INPP5D: variants seen among roughly 807,000 people sequenced by gnomAD.
The protein encoded by INPP5D is phosphatidylinositol 3,4,5-trisphosphate 5-phosphatase 1.
In INPP5D, 33 loss-of-function variants were observed where a neutral mutation model predicts 122.9. The ratio of observed to expected loss-of-function variants is 0.27; its 90% CI spans 0.20 to 0.36. INPP5D has a LOEUF of 0.36. INPP5D is among the 10% of genes least tolerant of loss of function. The pLI, the probability that INPP5D is intolerant of heterozygous loss-of-function variation, is 1.00. For synonymous variants in INPP5D, 584 were observed against 576.2 expected, an observed-to-expected ratio of 1.01 and a Z score of -0.19; for missense variants, 1,053 against 1,412.7, an observed-to-expected ratio of 0.75 and a Z score of 4.08.
intron 2 of INPP5D, among the ~76,000 whole-genome samples, chr2:233,088,850 G>A (rs1278770413): frequency 6.6e-6 from 1 of 152,162 alleles, no homozygotes; most frequent in East Asian, 1.9e-4. Flanking sequence ...TTGACAGCAA[G>A]GCCATCCAAA....
Position 233,204,211 on chromosome 2 carries a change from C to T in INPP5D, c.3061C>T (p.Leu1021=). 6.2e-7 allele frequency: 1 copy of T among 1,613,376 alleles called. No individual in the cohort carries two copies. Among genetic ancestry groups the T allele is most frequent in the Admixed American group, 1.7e-5 (1 of 59,966 alleles). ...LTKPEMFENP[L]YGSLSSFPKP... is the part of the protein sequence containing the mutation. ...GAAGCCCGAGATGTTTGAGAACCCC[C>T]TGTATGGGTCCCTGAGTTCCTTCCC... Residue 1021 remains leucine (L), a synonymous_variant, in exon 26 of 27, where the codon CTG becomes TTG. Transcript: ENST00000445964.
chr2:233,096,924 A>T (rs968413410), intron 2 of INPP5D, among the ~76,000 whole-genome samples: 1 of 152,176 alleles, frequency 6.6e-6, no homozygotes, highest in Non-Finnish European at 1.5e-5. Context: ...TCATTTACGG[A>T]TTCTGAGTTT....
chr2:233,164,223 G>T lies in INPP5D; in HGVS notation c.1438-84G>T. On this transcript the variant is annotated intron_variant, in intron 12 of 26. Transcript: ENST00000445964. The surrounding 1 kb of genome is among the most constrained non-coding windows in gnomAD (Gnocchi z 4.3). ...ACAGGATACCCCATACCCAGGGGCT[G>T]CGGCTGGGGCTGGGTGTGAATCACT... The T allele has an allele frequency of 2.0e-6, 3 of 1,474,470 alleles. No individual in the cohort carries two copies. The South Asian group carries it at 4.1e-5, about 20-fold the overall frequency. The allele number at this position is 1,474,470 out of a possible 1,614,324, so 91.3% of individuals were successfully genotyped here.
intron 5 of INPP5D, chr2:233,131,053 T>C (rs1017817676): frequency 1.8e-5 from 7 of 385,046 alleles, no homozygotes; most frequent in Admixed American, 6.5e-5. Flanking sequence ...GTTAGTCTAT[T>C]TTCTGCGTGG....
chr2:233,071,673 G>A (rs1225714645), intron 1 of INPP5D, among the ~76,000 whole-genome samples: 1 of 152,102 alleles, frequency 6.6e-6, no homozygotes, highest in East Asian at 1.9e-4. Context: ...AAATATGGTT[G>A]TCCCTGTTAT....
At position 233,170,412 on chromosome 2, in the gene INPP5D, A is replaced by G; in HGVS notation, c.1792-84A>G. On this transcript the variant is annotated intron_variant, in intron 15 of 26. Transcript: ENST00000445964. The surrounding 1 kb of genome is among the most constrained non-coding windows in gnomAD (Gnocchi z 4.5). ...CATCACTCTGCAGCCCGGGTCATCC[A>G]GCTGCCCGCCCCCAGCCCCGAAGCT... is the stretch of plus-strand genomic sequence containing the variant. The G allele has an allele frequency of 6.3e-7, 1 of 1,579,384 alleles. No individual in the cohort carries two copies. Among genetic ancestry groups the G allele is most frequent in the Non-Finnish European group, 8.6e-7 (1 of 1,161,906 alleles).
intron 2 of INPP5D, among the ~76,000 whole-genome samples, chr2:233,092,457 A>G (rs1692017990): frequency 6.6e-6 from 1 of 152,218 alleles, no homozygotes. Context: ...CAGTGGAACC[A>G]TGAGGGCTTT....
intron 2 of INPP5D, among the ~76,000 whole-genome samples, chr2:233,112,926 G>A (rs1442730105): frequency 6.6e-6 from 1 of 152,088 alleles, no homozygotes; most frequent in Non-Finnish European, 1.5e-5. Flanking sequence ...CCAAAGTGCT[G>A]GGAATACAGG....
intron 9 of INPP5D, among the ~76,000 whole-genome samples, chr2:233,148,053 T>C (rs1262585356): frequency 6.6e-6 from 1 of 152,256 alleles, no homozygotes; most frequent in Non-Finnish European, 1.5e-5. Context: ...GCCCAGCATG[T>C]AGTGGCCACT....
chr2:233,090,067 C>A (rs1007293786), intron 2 of INPP5D, among the ~76,000 whole-genome samples: 1 of 152,220 alleles, frequency 6.6e-6, no homozygotes, highest in African/African-American at 2.4e-5. Context: ...GCTGTGGAGG[C>A]CTTGAGAACA....
rs1173357716 is a variant in INPP5D, at chr2:233,137,893, T to C, written c.666-1949T>C. Among the ~76,000 whole-genome samples the C allele has an allele frequency of 3.8e-3, 221 of 58,524 alleles. 16 individuals are homozygous for C. The highest frequency in any genetic ancestry group is 0.013 in the African/African-American group (211 of 16,112). The allele number at this position is 58,524 out of a possible 152,430, so 38.4% of individuals were successfully genotyped here. Reference sequence around the variant, plus strand: ...ATATATATATATATATATATATATATATATACACACACACACACACATACA... The same window carrying C: ...ATATATATATATATATATATATATACATATACACACACACACACACATACA... On this transcript the variant is annotated intron_variant, in intron 5 of 26. Coordinates refer to ENST00000445964, the MANE Select transcript of INPP5D (RefSeq NM_001017915.3).
At position 233,060,346 on chromosome 2, in the gene INPP5D, A is replaced by T; in HGVS notation, c.-133A>T. The T allele has an allele frequency of 1.0e-6, 1 of 1,001,362 alleles. No individual in the cohort carries two copies. Among genetic ancestry groups the T allele is most frequent in the Non-Finnish European group, 1.4e-6 (1 of 692,366 alleles). 62.0% of individuals were successfully genotyped at this position (1,001,362 alleles called of 1,614,324 possible). On this transcript the variant is annotated 5_prime_UTR_variant, in exon 1 of 27. Coordinates refer to ENST00000445964, the MANE Select transcript of INPP5D (RefSeq NM_001017915.3). ...GCCTGAAACAGGAAGTCAGTCAGTT[A>T]AGCTGGTGGCAGCAGCCGAGGCCAC...
chr2:233,199,109 G>T (rs1695263125), intron 25 of INPP5D, among the ~76,000 whole-genome samples: 1 of 151,832 alleles, frequency 6.6e-6, no homozygotes, highest in Admixed American at 6.6e-5. Context: ...AATTAGCCAG[G>T]CATGGTGGCT....
intron 25 of INPP5D, among the ~76,000 whole-genome samples, chr2:233,199,366 G>T (rs1336536239): frequency 1.5e-5 from 2 of 134,612 alleles, no homozygotes; most frequent in Admixed American, 7.4e-5. Flanking sequence ...CAGCCTGGGC[G>T]ACAGAACGAG....
At chr2:233,147,271 T>A (rs1459777314) in intron 8 of INPP5D, among the ~76,000 whole-genome samples, 200 bp from the exon 9 acceptor site, 2 of 152,184 alleles carry the variant, frequency 1.3e-5, no homozygotes, top group African/African-American at 2.4e-5. Context: ...ACGAGGGGGA[T>A]GCCCCTAGAG....
intron 1 of INPP5D, among the ~76,000 whole-genome samples, chr2:233,067,068 G>T (rs1198014048): frequency 6.6e-6 from 1 of 152,100 alleles, no homozygotes; most frequent in African/African-American, 2.4e-5. Flanking sequence ...GTGAGCCACT[G>T]CACCTGGCCC....
chr2:233,082,825 G>A lies in INPP5D; in HGVS notation c.198+3427G>A, dbSNP rs868790512. 8.5e-5 allele frequency among the ~76,000 whole-genome samples: 13 copies of A among 152,202 alleles called. No homozygotes were observed. The highest frequency in any genetic ancestry group is 5.9e-4 in the Admixed American group (9 of 15,280). ...AAATATGAGTGTTGCTGAGAACTGC[G>A]GAAGTTGGAACTCACAGCCAGGCCT... On this transcript the variant is annotated intron_variant, in intron 2 of 26. Coordinates refer to ENST00000445964, the MANE Select transcript of INPP5D (RefSeq NM_001017915.3). The surrounding 1 kb of genome is among the most constrained non-coding windows in gnomAD (Gnocchi z 4.7).
intron 9 of INPP5D, among the ~76,000 whole-genome samples, chr2:233,158,095 A>C (rs36142198): frequency 0.61 from 93,259 of 151,828 alleles, 30,071 homozygotes; most frequent in East Asian, 0.98. Context: ...TCTGCTCTGG[A>C]CAGGCCAACT....
chr2:233,132,553 A>G (rs1485086518), intron 5 of INPP5D, among the ~76,000 whole-genome samples: 2 of 152,248 alleles, frequency 1.3e-5, no homozygotes, highest in East Asian at 3.9e-4. Context: ...CAGTAAGGCG[A>G]CAGCCAGGCT....
Sources: gnomAD v4.1 joint callset for allele counts (sites outside exome capture counted in the v4.1 genomes callset) on GRCh38, gnomAD v4.1.1 for gene constraint, Gnocchi (gnomAD v3.1) non-coding constraint, MANE v1.5 for transcripts, NCBI Gene and HGNC (gene_info 2026-07-23, HGNC 2026-07-21) for gene names.